Variants in CSMD1 observed in about 807,000 individuals in gnomAD.
CSMD1 encodes CUB and sushi domain-containing protein 1.
CSMD1 carries 213 observed loss-of-function variants against 417.5 expected under a neutral mutation model. That is an observed-to-expected ratio of 0.51 (90% CI 0.46 to 0.57). CSMD1 has a LOEUF of 0.57. CSMD1 is among the 20% of genes least tolerant of loss of function. The pLI, the probability that CSMD1 is intolerant of heterozygous loss-of-function variation, is 0.00. For synonymous variants in CSMD1, 2,862 were observed against 1,736.8 expected (o/e 1.65, Z -16.11); for missense variants, 6,923 against 4,529.7 (o/e 1.53, Z -15.17).
At chr8:3,444,868 T>C (rs1815203582) in intron 12 of CSMD1, among the ~76,000 whole-genome samples, 1 of 152,146 alleles carries the variant, frequency 6.6e-6, no homozygotes, top group South Asian at 2.1e-4. Context: ...ATCAGAATAC[T>C]ATCGATTTGT....
chr8:4,281,781 A>G (rs111789333), intron 3 of CSMD1, among the ~76,000 whole-genome samples: 15 of 152,222 alleles, frequency 9.9e-5, no homozygotes, highest in African/African-American at 3.4e-4. Context: ...ATAAAGTGAT[A>G]ACTGTATTAA....
chr8:3,640,022 C>T (rs374827298), intron 7 of CSMD1, among the ~76,000 whole-genome samples: 38 of 152,224 alleles, frequency 2.5e-4, no homozygotes, highest in African/African-American at 5.3e-4. Flanking sequence ...AAATGTTTGT[C>T]GGAGAAATGA....
At chr8:4,650,094 C>G (rs1311407478) in intron 1 of CSMD1, among the ~76,000 whole-genome samples, 1 of 152,144 alleles carries the variant, frequency 6.6e-6, no homozygotes, top group Non-Finnish European at 1.5e-5. Flanking sequence ...ATATCAATGA[C>G]CAGCACTTTG....
chr8:4,364,210 G>A (rs1295961131), intron 3 of CSMD1, among the ~76,000 whole-genome samples: 3 of 152,034 alleles, frequency 2.0e-5, no homozygotes, highest in South Asian at 4.1e-4. Context: ...ATAAGTTATT[G>A]TAAAAATAAG....
intron 2 of CSMD1, among the ~76,000 whole-genome samples, chr8:4,446,270 G>A (rs1435999061): frequency 4.6e-5 from 7 of 152,184 alleles, no homozygotes; most frequent in Non-Finnish European, 7.3e-5. Flanking sequence ...GGACCCAGCT[G>A]GGAGTGGTGG....
At chr8:2,964,790 G>A (rs905178336) in intron 59 of CSMD1, among the ~76,000 whole-genome samples, 2 of 152,148 alleles carry the variant, frequency 1.3e-5, no homozygotes, top group Non-Finnish European at 2.9e-5. Context: ...AAAGCAGGAT[G>A]GTCCAAGAAC....
chr8:2,943,390 G>T (rs142614161), intron 68 of CSMD1, among the ~76,000 whole-genome samples: 120 of 152,068 alleles, frequency 7.9e-4, no homozygotes, highest in African/African-American at 2.7e-3. Flanking sequence ...GCCATGCCTG[G>T]CTATTTTTTG....
At chr8:4,390,497 T>TTTTAATTATTTATTTATTTA (rs1554457301) in intron 3 of CSMD1, among the ~76,000 whole-genome samples, 44 of 140,324 alleles carry the variant, frequency 3.1e-4, no homozygotes, top group Admixed American at 2.2e-3. Flanking sequence ...AAGCGTCCAT[T>TTTTAATTATTTATTTATTTA]TTTATTTATT....
At chr8:3,630,040 T>A (rs1341753867) in intron 7 of CSMD1, among the ~76,000 whole-genome samples, 1 of 131,876 alleles carries the variant, frequency 7.6e-6, no homozygotes, top group Non-Finnish European at 1.6e-5. Context: ...ACATTTCAAA[T>A]GATTACTTTT....
At chr8:3,835,038 G>C (rs982357990) in intron 5 of CSMD1, among the ~76,000 whole-genome samples, 4 of 152,140 alleles carry the variant, frequency 2.6e-5, no homozygotes, top group South Asian at 2.1e-4. Flanking sequence ...CCACCAGTTA[G>C]AATGGCGATC....
intron 25 of CSMD1, among the ~76,000 whole-genome samples, chr8:3,305,589 C>T (rs781569323): frequency 2.6e-5 from 4 of 152,158 alleles, no homozygotes; most frequent in Non-Finnish European, 5.9e-5. Context: ...GTGATGCTCT[C>T]ACCATGTGGA....
At chr8:3,627,427 A>C (rs757847078) in intron 7 of CSMD1, among the ~76,000 whole-genome samples, 48 of 152,326 alleles carry the variant, frequency 3.2e-4, no homozygotes, top group South Asian at 8.3e-4. Context: ...TCCTGAAATC[A>C]CAGACATTAA....
chr8:4,563,254 A>G (rs1798432441), intron 2 of CSMD1, among the ~76,000 whole-genome samples: 1 of 152,100 alleles, frequency 6.6e-6, no homozygotes, highest in Non-Finnish European at 1.5e-5. Context: ...ACAAAAAATT[A>G]GCCGGACATG....
chr8:2,939,975 G>A (rs951420282), intron 69 of CSMD1, among the ~76,000 whole-genome samples: 37 of 152,164 alleles, frequency 2.4e-4, no homozygotes, highest in Non-Finnish European at 4.0e-4. Flanking sequence ...GGATGCTGAC[G>A]TGCAGGTGTG....
intron 1 of CSMD1, among the ~76,000 whole-genome samples, chr8:4,993,389 T>TCGGTCTCTCTCCCTCTTTCTCGCC (rs1563950076): frequency 9.2e-5 from 14 of 151,676 alleles, no homozygotes; most frequent in Middle Eastern, 3.4e-3. Context: ...TCTCTCTCTC[T>TCGGTCTCTCTCCCTCTTTCTCGCC]CTGTCTCTCT....
rs979506971 is a variant in CSMD1, at chr8:3,150,626, G to A, written c.6031+771C>T. On this transcript the variant is annotated intron_variant, in intron 40 of 69. Transcript: ENST00000635120. ...CATCATTCAGCTACTATTTAGTACA[G>A]AAATACCCAGCTACTCTGCCCGAGG... Among the ~76,000 whole-genome samples the A allele has an allele frequency of 4.6e-5, 7 of 152,080 alleles. No individual in the cohort carries two copies. The South Asian group carries it at 1.0e-3, about 22-fold the overall frequency.
At chr8:4,353,165 G>A (rs945339226) in intron 3 of CSMD1, among the ~76,000 whole-genome samples, 6 of 152,156 alleles carry the variant, frequency 3.9e-5, no homozygotes, top group South Asian at 2.1e-4. Context: ...CTGTCACCTT[G>A]AATTGTAATA....
At chr8:2,964,698 C>G (rs934443360) in intron 59 of CSMD1, among the ~76,000 whole-genome samples, 2 of 152,202 alleles carry the variant, frequency 1.3e-5, no homozygotes, top group Non-Finnish European at 2.9e-5. Flanking sequence ...TATTTAGCGT[C>G]AGCTATATCA....
chr8:4,057,123 A>C (rs1174545512), intron 3 of CSMD1, among the ~76,000 whole-genome samples: 1 of 152,152 alleles, frequency 6.6e-6, no homozygotes, highest in Admixed American at 6.5e-5. Context: ...TGACTTCCAC[A>C]AGGGTTGAAC....
Sources: gnomAD v4.1 joint callset for allele counts (sites outside exome capture counted in the v4.1 genomes callset) on GRCh38, gnomAD v4.1.1 for gene constraint, MANE v1.5 for transcripts, NCBI Gene and HGNC (gene_info 2026-07-23, HGNC 2026-07-21) for gene names.